SLC43A2: variants seen among roughly 807,000 people sequenced by gnomAD.
SLC43A2 encodes solute carrier family 43 member 2.
Under a neutral mutation model 63.2 loss-of-function variants are expected in SLC43A2, and 38 were observed. The ratio of observed to expected loss-of-function variants is 0.60; its 90% CI spans 0.46 to 0.79. The LOEUF (loss-of-function observed/expected upper bound fraction) is 0.79. Among genes scored for constraint, SLC43A2 ranks in the 30% least tolerant of loss-of-function variants. SLC43A2 has a pLI of 0.00. For synonymous variants in SLC43A2, 322 were observed against 331.0 expected, an observed-to-expected ratio of 0.97 and a Z score of 0.30; for missense variants, 644 against 756.2, an observed-to-expected ratio of 0.85 and a Z score of 1.74.
intron 5 of SLC43A2, among the ~76,000 whole-genome samples, chr17:1,603,742 G>T (rs1906301169): frequency 6.6e-6 from 1 of 152,084 alleles, no homozygotes; most frequent in Non-Finnish European, 1.5e-5. Context: ...TTGAGATCGC[G>T]CCATTGCACT....
intron 2 of SLC43A2, among the ~76,000 whole-genome samples, chr17:1,619,410 A>G (rs1907957228): frequency 6.6e-6 from 1 of 152,240 alleles, no homozygotes; most frequent in Admixed American, 6.5e-5. Flanking sequence ...GGGGGGATTT[A>G]AGGAGATCAG....
intron 5 of SLC43A2, among the ~76,000 whole-genome samples, chr17:1,596,945 G>A (rs1362964814): frequency 1.3e-5 from 2 of 152,170 alleles, no homozygotes; most frequent in Non-Finnish European, 2.9e-5. Context: ...GGCCAGGCGC[G>A]GTGGCTCACG....
chr17:1,591,217 T>C, intron 8 of SLC43A2, 52 bp downstream of exon 8: 2 of 1,584,944 alleles, frequency 1.3e-6, no homozygotes, highest in Non-Finnish European at 1.7e-6. Context: ...GGTGAGCCGA[T>C]ACCCACAGAG....
At position 1,578,148 on chromosome 17, in the gene SLC43A2, G is replaced by A. The variant is rs1411277811; in HGVS notation, c.1424+102C>T. 2.2e-5 allele frequency: 26 copies of A among 1,187,008 alleles called. No individual in the cohort carries two copies. The highest frequency in any genetic ancestry group is 3.2e-5 in the Non-Finnish European group (26 of 817,690). The allele number at this position is 1,187,008 out of a possible 1,614,324, so 73.5% of individuals were successfully genotyped here. On this transcript the variant is annotated intron_variant, in intron 12 of 13. Transcript: ENST00000301335. This position sits in a 1 kb window ranked among gnomAD's most constrained non-coding sequence, Gnocchi z 6.5. ...GAAGCAGGAAGATGAGCCCTTCTGG[G>A]ACAGGCTGACCCTGCCTCAGAGTCT...
intron 5 of SLC43A2, among the ~76,000 whole-genome samples, chr17:1,597,283 T>C (rs1905384175): frequency 6.6e-6 from 1 of 150,898 alleles, no homozygotes; most frequent in African/African-American, 2.4e-5. Flanking sequence ...GGTGGGCAGA[T>C]CACAAGATCA....
chr17:1,585,715 C>T, intron 10 of SLC43A2, 198 bp downstream of exon 10: 1 of 1,524,814 alleles, frequency 6.6e-7, no homozygotes, highest in African/African-American at 1.4e-5. Context: ...CATTGCATTC[C>T]AAACAATTTC....
intron 2 of SLC43A2, among the ~76,000 whole-genome samples, chr17:1,625,909 TAGAC>T (rs946567678): frequency 2.0e-5 from 3 of 151,790 alleles, no homozygotes; most frequent in Non-Finnish European, 2.9e-5. Flanking sequence ...TCCTCCCACT[TAGAC>T]AGAGGAGGAA....
chr17:1,612,376 C>T (rs1220478076), intron 5 of SLC43A2, among the ~76,000 whole-genome samples: 2 of 152,314 alleles, frequency 1.3e-5, no homozygotes, highest in Non-Finnish European at 2.9e-5. Context: ...CTTAGTACCC[C>T]GAGAAAACAT....
intron 2 of SLC43A2, among the ~76,000 whole-genome samples, chr17:1,627,113 A>G (rs531568679): frequency 3.9e-5 from 6 of 152,272 alleles, no homozygotes; most frequent in African/African-American, 1.2e-4. Context: ...CTTCATCCCC[A>G]TGGGGTTGGA....
At position 1,578,222 on chromosome 17, in the gene SLC43A2, C is replaced by T; in HGVS notation, c.1424+28G>A. The T allele has an allele frequency of 6.2e-7, 1 of 1,609,212 alleles. No homozygotes were observed. Among genetic ancestry groups the T allele is most frequent in the African/African-American group, 1.3e-5 (1 of 74,990 alleles). On this transcript the variant is annotated intron_variant, in intron 12 of 13. Transcript: ENST00000301335. The surrounding 1 kb of genome is among the most constrained non-coding windows in gnomAD (Gnocchi z 6.5). ...CGGCCATTCCCACACCCTCGCCCAC[C>T]AGGCCACCTGCGGCTTCCAGGACTT...
chr17:1,603,488 C>CA (rs951405162), intron 5 of SLC43A2, among the ~76,000 whole-genome samples: 1 of 151,316 alleles, frequency 6.6e-6, no homozygotes, highest in Admixed American at 6.6e-5. Context: ...TTTTATTGGT[C>CA]AAAAAACACC....
chr17:1,591,735 G>GGGGGGGGA (rs1555538858), intron 6 of SLC43A2, 36 bp from the exon 7 acceptor site: 11 of 652,918 alleles, frequency 1.7e-5, no homozygotes, highest in South Asian at 3.7e-5. Flanking sequence ...GGGGGGGGGA[G>GGGGGGGGA]GGGGCAGAGT....
At chr17:1,627,366 T>A (rs1908747974) in intron 2 of SLC43A2, among the ~76,000 whole-genome samples, 1 of 152,168 alleles carries the variant, frequency 6.6e-6, no homozygotes, top group Non-Finnish European at 1.5e-5. Flanking sequence ...ACATGTTTAC[T>A]ACCAGCCAAG....
intron 5 of SLC43A2, among the ~76,000 whole-genome samples, chr17:1,601,861 C>T (rs139624886): frequency 2.1e-5 from 3 of 146,184 alleles, no homozygotes; most frequent in Admixed American, 6.9e-5. Context: ...CTGCACCGCC[C>T]TCCCGAAGGT....
Position 1,591,432 on chromosome 17 carries a change from C to T in SLC43A2, c.768G>A (p.Lys256=). 6.2e-7 allele frequency: 1 copy of T among 1,613,344 alleles called. No homozygotes were observed. Among genetic ancestry groups the T allele is most frequent in the Non-Finnish European group, 8.5e-7 (1 of 1,179,950 alleles). ...IKFSWLGFDH[K]ITGKQFYKQV... is the part of the protein sequence containing the mutation. ...GCTTGTAGAACTGCTTCCCTGTGAT[C>T]TTGTGGTCAAAGCCCAGCCAGCTGA... The change falls in exon 8 of 14, where the codon AAG becomes AAA. Residue 256 remains lysine, a synonymous_variant. Coordinates refer to ENST00000301335, the MANE Select transcript of SLC43A2 (RefSeq NM_152346.3).
intron 5 of SLC43A2, among the ~76,000 whole-genome samples, chr17:1,601,036 G>A (rs776956772): frequency 6.7e-6 from 1 of 150,048 alleles, no homozygotes; most frequent in Non-Finnish European, 1.5e-5. Context: ...TTGTGGTAGC[G>A]ACTGATTTTC....
At chr17:1,587,873 G>A (rs541908771) in intron 9 of SLC43A2, among the ~76,000 whole-genome samples, 1 of 152,326 alleles carries the variant, frequency 6.6e-6, no homozygotes, top group South Asian at 2.1e-4. Flanking sequence ...GGGGGCACCC[G>A]ACCCATCTGG....
intron 5 of SLC43A2, among the ~76,000 whole-genome samples, chr17:1,599,356 G>A (rs967244159): frequency 6.6e-6 from 1 of 151,136 alleles, no homozygotes; most frequent in Non-Finnish European, 1.5e-5. Context: ...GAAAAGAAAA[G>A]CATATCCATT....
chr17:1,591,517 C>T (rs1439206846), intron 7 of SLC43A2, 46 bp from the exon 8 acceptor site: 2 of 1,609,710 alleles, frequency 1.2e-6, no homozygotes, highest in Non-Finnish European at 1.7e-6. Context: ...GGGACCCCGG[C>T]TGGGGGGCGG....
Sources: gnomAD v4.1 joint callset for allele counts (sites outside exome capture counted in the v4.1 genomes callset) on GRCh38, gnomAD v4.1.1 for gene constraint, Gnocchi (gnomAD v3.1) non-coding constraint, MANE v1.5 for transcripts, NCBI Gene and HGNC (gene_info 2026-07-23, HGNC 2026-07-21) for gene names.